Variants in DEFB130A observed in about 807,000 individuals in gnomAD.
DEFB130A encodes beta-defensin 130A.
chr8:12,315,535 AATTACCTC>A (rs1298858139), intron 1 of DEFB130A, among the ~76,000 whole-genome samples: 2 of 145,350 alleles, frequency 1.4e-5, no homozygotes, highest in East Asian at 4.4e-4. Context: ...GAAGAAATCA[AATTACCTC>A]ATTTTATAGA....
chr8:12,311,738 A>G (rs191692968), intron 1 of DEFB130A, among the ~76,000 whole-genome samples: 30 of 103,384 alleles, frequency 2.9e-4, no homozygotes, highest in African/African-American at 1.1e-3. Flanking sequence ...TAGGTGGAGG[A>G]ATGGATAGAT....
intron 1 of DEFB130A, among the ~76,000 whole-genome samples, chr8:12,311,786 C>G (rs1435810212): frequency 1.5e-4 from 17 of 111,978 alleles, no homozygotes; most frequent in African/African-American, 4.0e-4. Context: ...CAGACACCTG[C>G]AGAGAATTAC....
At chr8:12,312,043 G>A (rs562191607) in intron 1 of DEFB130A, among the ~76,000 whole-genome samples, 1 of 31,588 alleles carries the variant, frequency 3.2e-5, no homozygotes, top group African/African-American at 1.1e-4. Context: ...GAACCATCCT[G>A]TTAACACACC....
At chr8:12,317,233 G>A (rs1809572608) in intron 1 of DEFB130A, among the ~76,000 whole-genome samples, 1 of 135,604 alleles carries the variant, frequency 7.4e-6, no homozygotes, top group Non-Finnish European at 1.5e-5. Context: ...GCTAAACACT[G>A]GATACTCATG....
intron 1 of DEFB130A, among the ~76,000 whole-genome samples, chr8:12,316,779 C>G (rs1222160234): frequency 6.7e-6 from 1 of 148,268 alleles, no homozygotes; most frequent in Non-Finnish European, 1.5e-5. Context: ...TATCTTACAC[C>G]AGTGAGAATG....
intron 1 of DEFB130A, among the ~76,000 whole-genome samples, chr8:12,316,756 C>A (rs1020578273): frequency 6.9e-6 from 1 of 145,322 alleles, no homozygotes; most frequent in African/African-American, 2.7e-5. Flanking sequence ...CAAATCAAAA[C>A]CACAATGAGA....
At chr8:12,316,774 T>C (rs1193852792) in intron 1 of DEFB130A, among the ~76,000 whole-genome samples, 2 of 148,074 alleles carry the variant, frequency 1.4e-5, no homozygotes, top group East Asian at 3.9e-4. Flanking sequence ...AGAACTATCT[T>C]ACACCAGTGA....
chr8:12,317,159 G>C (rs1489769250), intron 1 of DEFB130A, among the ~76,000 whole-genome samples: 1 of 83,268 alleles, frequency 1.2e-5, no homozygotes, highest in South Asian at 5.1e-4. Context: ...GGATGAGCTG[G>C]AGGACTGCAA....
At chr8:12,316,771 T>A (rs1259763313) in intron 1 of DEFB130A, among the ~76,000 whole-genome samples, 1 of 147,500 alleles carries the variant, frequency 6.8e-6, no homozygotes, top group Non-Finnish European at 1.5e-5. Context: ...ATGAGAACTA[T>A]CTTACACCAG....
At chr8:12,317,362 C>G (rs1480729356) in intron 1 of DEFB130A, among the ~76,000 whole-genome samples, 1 of 83,362 alleles carries the variant, frequency 1.2e-5, no homozygotes, top group African/African-American at 6.2e-5. Context: ...TGCCCCAAAC[C>G]TCACATCACA....
In DEFB130A at chr8:12,314,947, A is replaced by G. The variant is rs143395000; in HGVS notation, c.58+3312T>C. ...TCCATGTTGTCACATATAGTAGAAA[A>G]CCTCCTTAGTTTCCACAATATATAA... is the stretch of plus-strand genomic sequence containing the variant. On this transcript the variant is annotated intron_variant, in intron 1 of 1. Coordinates refer to ENST00000400079, the MANE Select transcript of DEFB130A (RefSeq NM_001037804.1). 3.4e-3 allele frequency among the ~76,000 whole-genome samples: 509 copies of G among 149,098 alleles called. 4 individuals carry two copies. In the East Asian group the frequency reaches 0.039, roughly 11 times the overall value.
chr8:12,316,767 A>T (rs1204565880), intron 1 of DEFB130A, among the ~76,000 whole-genome samples: 2 of 147,418 alleles, frequency 1.4e-5, no homozygotes, highest in African/African-American at 5.2e-5. Context: ...CACAATGAGA[A>T]CTATCTTACA....
chr8:12,312,073 ACTGGC>A (rs903479453), intron 1 of DEFB130A, among the ~76,000 whole-genome samples: 2 of 26,756 alleles, frequency 7.5e-5, no homozygotes, highest in African/African-American at 2.5e-4. Flanking sequence ...TTTTGTTTTT[ACTGGC>A]CTCTAATATA....
intron 1 of DEFB130A, among the ~76,000 whole-genome samples, chr8:12,311,990 GA>G (rs1321608884): frequency 2.1e-5 from 1 of 48,184 alleles, no homozygotes; most frequent in Non-Finnish European, 3.9e-5. Context: ...TGTTATATAA[GA>G]AAAACACTTT....
At chr8:12,317,096 G>A (rs1809567693) in intron 1 of DEFB130A, among the ~76,000 whole-genome samples, 2 of 101,442 alleles carry the variant, frequency 2.0e-5, no homozygotes, top group Non-Finnish European at 3.8e-5. Context: ...TATAGACCAT[G>A]GAATACTATG....
In DEFB130A at chr8:12,315,998, G is replaced by T. The variant is rs879664314; in HGVS notation, c.58+2261C>A. Among the ~76,000 whole-genome samples, 2 of 50,070 alleles carry T rather than the reference G, an allele frequency of 4.0e-5. 1 individual carries two copies. The highest frequency in any genetic ancestry group is 6.3e-5 in the Non-Finnish European group (2 of 31,810). The allele number at this position is 50,070 out of a possible 152,430, so 32.8% of individuals were successfully genotyped here. On this transcript the variant is annotated intron_variant, in intron 1 of 1. Transcript: ENST00000400079. Reference sequence around the variant, plus strand: ...CTAAAACTCATATGAAACCATAAAAGAACTCAGACAACCAAACTAATCCTA... The same window carrying T: ...CTAAAACTCATATGAAACCATAAAATAACTCAGACAACCAAACTAATCCTA...
In DEFB130A at chr8:12,316,810, A is replaced by G. The variant is rs1426654896; in HGVS notation, c.58+1449T>C. Reference sequence around the variant, plus strand: ...GAATGGCTATTATTAAAAAGTTAAAAAATAACAGAAACGCAGATGAGGCTG... The same window carrying G: ...GAATGGCTATTATTAAAAAGTTAAAGAATAACAGAAACGCAGATGAGGCTG... On this transcript the variant is annotated intron_variant, in intron 1 of 1. Coordinates refer to ENST00000400079, the MANE Select transcript of DEFB130A (RefSeq NM_001037804.1). 2.7e-5 allele frequency among the ~76,000 whole-genome samples: 4 copies of G among 149,650 alleles called. 1 individual carries two copies. Among genetic ancestry groups the G allele is most frequent in the African/African-American group, 5.1e-5 (2 of 39,328 alleles).
At position 12,311,850 on chromosome 8, in the gene DEFB130A, C is replaced by T. The variant is rs564472425; in HGVS notation, c.59-707G>A. 7.9e-4 allele frequency among the ~76,000 whole-genome samples: 80 copies of T among 101,680 alleles called. 17 individuals carry two copies. The highest frequency in any genetic ancestry group is 2.2e-3 in the African/African-American group (71 of 32,632). The allele number at this position is 101,680 out of a possible 152,430, so 66.7% of individuals were successfully genotyped here. ...AGTGTATCCACATGTTCTCTTAATTCATCTGGTTTTTGAGAAGCATATGGC... is the reference window on the plus strand; with the variant it reads ...AGTGTATCCACATGTTCTCTTAATTTATCTGGTTTTTGAGAAGCATATGGC... On this transcript the variant is annotated intron_variant, in intron 1 of 1. Coordinates refer to ENST00000400079, the MANE Select transcript of DEFB130A (RefSeq NM_001037804.1).
At chr8:12,315,435 GC>G (rs1809512346) in intron 1 of DEFB130A, among the ~76,000 whole-genome samples, 1 of 96,188 alleles carries the variant, frequency 1.0e-5, no homozygotes, top group African/African-American at 3.2e-5. Flanking sequence ...AAACAAGAGT[GC>G]CCCCTCTCAC....
Sources: gnomAD v4.1 joint callset for allele counts (sites outside exome capture counted in the v4.1 genomes callset) on GRCh38, gnomAD v4.1.1 for gene constraint, MANE v1.5 for transcripts, NCBI Gene and HGNC (gene_info 2026-07-23, HGNC 2026-07-21) for gene names.